KCNT2: variants seen among roughly 807,000 people sequenced by gnomAD.
KCNT2 encodes the protein potassium sodium-activated channel subfamily T member 2.
A neutral mutation model predicts 153.8 loss-of-function variants in KCNT2; 67 were observed. The ratio of observed to expected loss-of-function variants is 0.44; its 90% CI spans 0.36 to 0.53. The LOEUF is 0.53. KCNT2 is among the 20% of genes least tolerant of loss of function. The pLI is 0.00. For synonymous variants in KCNT2, 500 were observed against 458.8 expected (o/e 1.09, Z -1.15); for missense variants, 975 against 1,354.8 (o/e 0.72, Z 4.40).
chr1:196,458,865 T>C (rs1360658334), intron 8 of KCNT2, among the ~76,000 whole-genome samples: 1 of 151,946 alleles, frequency 6.6e-6, no homozygotes, highest in Non-Finnish European at 1.5e-5. Context: ...GCACAGTTAC[T>C]GGAAAAACTT....
At position 196,590,386 on chromosome 1, in the gene KCNT2, A is replaced by G. The variant is rs755904501; in HGVS notation, c.95+17829T>C. On this transcript the variant is annotated intron_variant, in intron 1 of 27. Transcript: ENST00000294725. ...AGCTACTGACAGATAATATTTGTTA[A>G]CAAGCAGGACAGATTCTAATTATGA... 3.9e-5 allele frequency among the ~76,000 whole-genome samples: 6 copies of G among 152,324 alleles called. No individual in the cohort carries two copies. In the Middle Eastern group the frequency reaches 0.01, roughly 259 times the overall value.
At chr1:196,338,231 G>A (rs977455683) in intron 16 of KCNT2, among the ~76,000 whole-genome samples, 1 of 152,020 alleles carries the variant, frequency 6.6e-6, no homozygotes, top group African/African-American at 2.4e-5. Flanking sequence ...AGTTCCATCA[G>A]AGGAAACTTA....
chr1:196,311,978 A>G (rs1027981351), intron 21 of KCNT2, among the ~76,000 whole-genome samples: 1 of 151,852 alleles, frequency 6.6e-6, no homozygotes, highest in East Asian at 1.9e-4. Flanking sequence ...GTTCATACAA[A>G]TATGAAAACA....
intron 21 of KCNT2, among the ~76,000 whole-genome samples, chr1:196,306,402 C>T (rs776444260): frequency 7.9e-5 from 12 of 152,110 alleles, no homozygotes; most frequent in Non-Finnish European, 1.5e-4. Context: ...CATGAGGGTG[C>T]TGTTACTTCC....
At chr1:196,393,027 G>C (rs1670618181) in intron 13 of KCNT2, among the ~76,000 whole-genome samples, 1 of 151,406 alleles carries the variant, frequency 6.6e-6, no homozygotes, top group African/African-American at 2.4e-5. Flanking sequence ...TTACTGTTGA[G>C]ATATGGTTCT....
At chr1:196,448,089 A>G (rs1028487669) in intron 8 of KCNT2, among the ~76,000 whole-genome samples, 2 of 151,666 alleles carry the variant, frequency 1.3e-5, no homozygotes, top group African/African-American at 4.8e-5. Context: ...TGAAAAAAGA[A>G]TTGCTTTCAA....
intron 25 of KCNT2, among the ~76,000 whole-genome samples, chr1:196,276,259 T>C (rs749407307): frequency 1.1e-4 from 17 of 152,014 alleles, no homozygotes; most frequent in Admixed American, 3.3e-4. Context: ...ACTTTACAGA[T>C]AAGATATATA....
intron 12 of KCNT2, among the ~76,000 whole-genome samples, chr1:196,403,205 T>A (rs970675320): frequency 1.3e-5 from 2 of 151,564 alleles, no homozygotes; most frequent in African/African-American, 4.8e-5. Context: ...CCGTGCCACA[T>A]CCATACAATG....
At chr1:196,511,834 C>CCCT (rs1681660149) in intron 1 of KCNT2, among the ~76,000 whole-genome samples, 1 of 152,140 alleles carries the variant, frequency 6.6e-6, no homozygotes, top group Non-Finnish European at 1.5e-5. Flanking sequence ...AACATAATCA[C>CCCT]CTCTTTTAAG....
intron 26 of KCNT2, among the ~76,000 whole-genome samples, chr1:196,253,450 G>A (rs1372925869): frequency 6.6e-6 from 1 of 151,186 alleles, no homozygotes; most frequent in Non-Finnish European, 1.5e-5. Flanking sequence ...GTTTTCCTCT[G>A]CCACCTTGAA....
intron 20 of KCNT2, among the ~76,000 whole-genome samples, chr1:196,318,389 C>T (rs1337655005): frequency 6.6e-6 from 1 of 151,756 alleles, no homozygotes; most frequent in South Asian, 2.1e-4. Flanking sequence ...TGTTTTATTT[C>T]TGTCCCTAGG....
At position 196,350,985 on chromosome 1, in the gene KCNT2, G is replaced by C. The variant is rs571133021; in HGVS notation, c.1404-8757C>G. Among the ~76,000 whole-genome samples the C allele has an allele frequency of 2.3e-3, 343 of 152,156 alleles. 2 individuals are homozygous for C. The highest frequency in any genetic ancestry group is 7.8e-3 in the African/African-American group (322 of 41,512). On this transcript the variant is annotated intron_variant, in intron 14 of 27. Coordinates refer to ENST00000294725, the MANE Select transcript of KCNT2 (RefSeq NM_198503.5). Reference sequence around the variant, plus strand: ...AATCCTTTCCCCATTGCTTGTTTTTGTCAGGTTTGTCAAAGATCAGATAGT... The same window carrying C: ...AATCCTTTCCCCATTGCTTGTTTTTCTCAGGTTTGTCAAAGATCAGATAGT...
Position 196,331,266 on chromosome 1 carries a change from A to G in KCNT2, c.1998-5T>C, listed in dbSNP as rs913490348. On this transcript the variant is annotated splice_polypyrimidine_tract_variant and splice_region_variant and intron_variant, in intron 17 of 27. Coordinates refer to ENST00000294725, the MANE Select transcript of KCNT2 (RefSeq NM_198503.5). ...GGTGGGTAACCTTTAGCATACCTGTAAAATAATACAAAATATTACCCTTGG... is the reference window on the plus strand; with the variant it reads ...GGTGGGTAACCTTTAGCATACCTGTGAAATAATACAAAATATTACCCTTGG... The G allele has an allele frequency of 2.3e-6, 3 of 1,314,468 alleles. No homozygotes were observed. Among genetic ancestry groups the G allele is most frequent in the African/African-American group, 2.9e-5 (2 of 69,152 alleles). The allele number at this position is 1,314,468 out of a possible 1,614,324, so 81.4% of individuals were successfully genotyped here. A position where few individuals can be genotyped will look rare whatever the true frequency, so the allele number is the denominator to read the frequency against.
chr1:196,563,187 G>A (rs1298784558), intron 1 of KCNT2, among the ~76,000 whole-genome samples: 6 of 151,944 alleles, frequency 3.9e-5, no homozygotes, highest in African/African-American at 1.2e-4. Context: ...AAATACGAAA[G>A]AAAGACAGAG....
chr1:196,576,671 T>G (rs548155528), intron 1 of KCNT2, among the ~76,000 whole-genome samples: 66 of 152,278 alleles, frequency 4.3e-4, no homozygotes, highest in African/African-American at 1.6e-3. Flanking sequence ...TCTTCTCATC[T>G]GTACAAACTT....
Position 196,397,727 on chromosome 1 carries a change from T to G in KCNT2, c.1294+836A>C, listed in dbSNP as rs1267950109. 2.0e-5 allele frequency among the ~76,000 whole-genome samples: 3 copies of G among 151,570 alleles called. No individual in the cohort carries two copies. In the South Asian group the frequency reaches 6.2e-4, roughly 31 times the overall value. ...TCCCTAGTATTTACAATTTTTCATTTCAAAATCATACACTAACAGGTAAGA... is the reference window on the plus strand; with the variant it reads ...TCCCTAGTATTTACAATTTTTCATTGCAAAATCATACACTAACAGGTAAGA... On this transcript the variant is annotated intron_variant, in intron 13 of 27. Transcript: ENST00000294725.
At chr1:196,294,367 C>G (rs1571938869) in intron 22 of KCNT2, among the ~76,000 whole-genome samples, 1 of 152,106 alleles carries the variant, frequency 6.6e-6, no homozygotes, top group Non-Finnish European at 1.5e-5. Flanking sequence ...CCTCCAACTC[C>G]CTGGTTCAAG....
At chr1:196,434,479 T>C (rs559993471) in intron 8 of KCNT2, among the ~76,000 whole-genome samples, 1 of 152,094 alleles carries the variant, frequency 6.6e-6, no homozygotes, top group South Asian at 2.1e-4. Flanking sequence ...CCTTTTAACA[T>C]AATGTACTCA....
chr1:196,494,604 A>G (rs113710254), intron 1 of KCNT2, among the ~76,000 whole-genome samples: 9,645 of 152,032 alleles, frequency 0.063, 410 homozygotes, highest in Non-Finnish European at 0.085. Flanking sequence ...TGATCCGCCC[A>G]CCTCAGCCTC....
Sources: gnomAD v4.1 joint callset for allele counts (sites outside exome capture counted in the v4.1 genomes callset) on GRCh38, gnomAD v4.1.1 for gene constraint, MANE v1.5 for transcripts, NCBI Gene and HGNC (gene_info 2026-07-23, HGNC 2026-07-21) for gene names.